The following CALN1 variants were observed in gnomAD, a reference collection of about 807,000 sequenced individuals.
CALN1 encodes the protein calneuron 1.
Under a neutral mutation model 30.6 loss-of-function variants are expected in CALN1, and 17 were observed. The ratio of observed to expected loss-of-function variants is 0.56; its 90% CI spans 0.38 to 0.83. The LOEUF is 0.83. Among genes scored for constraint, CALN1 ranks in the 40% least tolerant of loss-of-function variants. The pLI, the probability that CALN1 is intolerant of heterozygous loss-of-function variation, is 0.00. For synonymous variants in CALN1, 156 were observed against 131.4 expected (o/e 1.19, Z -1.28); for missense variants, 291 against 354.9 (o/e 0.82, Z 1.45).
chr7:72,126,077 G>A (rs1808742661), intron 3 of CALN1, among the ~76,000 whole-genome samples: 1 of 152,148 alleles, frequency 6.6e-6, no homozygotes, highest in Non-Finnish European at 1.5e-5. Flanking sequence ...GGGATTACAG[G>A]CGTGAGCCAC....
At chr7:72,152,923 T>C (rs1310330049) in intron 3 of CALN1, among the ~76,000 whole-genome samples, 1 of 152,216 alleles carries the variant, frequency 6.6e-6, no homozygotes, top group Non-Finnish European at 1.5e-5. Context: ...GACTGTTCCT[T>C]GCCAGTTGGA....
At chr7:72,238,650 T>C (rs1221688376) in intron 3 of CALN1, among the ~76,000 whole-genome samples, 1 of 152,054 alleles carries the variant, frequency 6.6e-6, no homozygotes, top group African/African-American at 2.4e-5. Context: ...AGTGAGTGAG[T>C]TCTCACAAGT....
rs534746845 is a variant in CALN1, at chr7:71,941,215, T to C, written c.501+82442A>G. Among the ~76,000 whole-genome samples, 6 of 150,446 alleles carry C rather than the reference T, an allele frequency of 4.0e-5. No homozygotes were observed. In the South Asian group the frequency reaches 1.3e-3, roughly 32 times the overall value. ...AAATACAAAAATTAGCTGGGTGTGG[T>C]GGCAGGTGCCTGTAATCCCAGCTAC... On this transcript the variant is annotated intron_variant, in intron 5 of 6. Coordinates refer to ENST00000395275, the MANE Select transcript of CALN1 (RefSeq NM_031468.4).
chr7:72,037,401 C>A (rs1284474959), intron 4 of CALN1, among the ~76,000 whole-genome samples: 1 of 152,184 alleles, frequency 6.6e-6, no homozygotes, highest in Non-Finnish European at 1.5e-5. Context: ...CCACCCGCCT[C>A]GGCCTCCCAA....
chr7:72,211,833 T>C (rs1792418752), intron 3 of CALN1, among the ~76,000 whole-genome samples: 1 of 152,138 alleles, frequency 6.6e-6, no homozygotes, highest in Admixed American at 6.6e-5. Context: ...TGAGCCAGTT[T>C]CTACATCTCT....
At chr7:72,110,982 C>G (rs1807531085) in intron 3 of CALN1, among the ~76,000 whole-genome samples, 1 of 152,074 alleles carries the variant, frequency 6.6e-6, no homozygotes, top group South Asian at 2.1e-4. Flanking sequence ...AACTAGGGAC[C>G]ACAGATCAAG....
intron 3 of CALN1, among the ~76,000 whole-genome samples, chr7:72,150,672 G>A (rs1015804422): frequency 1.3e-5 from 2 of 152,144 alleles, no homozygotes; most frequent in African/African-American, 2.4e-5. Flanking sequence ...GCTGAGAAAG[G>A]CTACATTGGG....
intron 3 of CALN1, among the ~76,000 whole-genome samples, chr7:72,172,138 T>G (rs1789015064): frequency 6.6e-6 from 1 of 152,352 alleles, no homozygotes; most frequent in South Asian, 2.1e-4. Context: ...TGATTGTGAC[T>G]AAGCAAGAGC....
At chr7:72,483,350 T>G in the CALN1 span, among the ~76,000 whole-genome samples, 9 of 148,594 alleles carry the variant, frequency 6.1e-5, no homozygotes, top group Non-Finnish European at 8.9e-5. Context: ...AGTGGCACGA[T>G]CTCAGCTCAC....
At chr7:71,831,723 A>C (rs2116418174) in intron 5 of CALN1, among the ~76,000 whole-genome samples, 1 of 150,602 alleles carries the variant, frequency 6.6e-6, no homozygotes, top group East Asian at 2.0e-4. Flanking sequence ...CCATCTCTAC[A>C]AAAAAATACA....
At chr7:71,972,716 G>A (rs778382663) in intron 5 of CALN1, among the ~76,000 whole-genome samples, 1 of 152,082 alleles carries the variant, frequency 6.6e-6, no homozygotes, top group Non-Finnish European at 1.5e-5. Flanking sequence ...TTTCAGCTTC[G>A]TGCGTGCTTC....
intron 5 of CALN1, among the ~76,000 whole-genome samples, chr7:71,982,055 T>TA (rs1798426671): frequency 1.3e-5 from 2 of 152,204 alleles, no homozygotes; most frequent in Non-Finnish European, 2.9e-5. Flanking sequence ...TTTAGTTGAC[T>TA]TCTAGCTTTC....
At chr7:71,934,605 A>G (rs1795733546) in intron 5 of CALN1, among the ~76,000 whole-genome samples, 1 of 152,066 alleles carries the variant, frequency 6.6e-6, no homozygotes, top group South Asian at 2.1e-4. Context: ...CAGAACGAGA[A>G]CTCACTCATT....
intron 2 of CALN1, among the ~76,000 whole-genome samples, chr7:72,369,058 G>A (rs1256251303): frequency 6.6e-6 from 1 of 151,098 alleles, no homozygotes; most frequent in Non-Finnish European, 1.5e-5. Context: ...CAAGTGATCT[G>A]CCCACCTCTG....
intron 2 of CALN1, among the ~76,000 whole-genome samples, chr7:72,290,037 C>T (rs1161560728): frequency 8.4e-6 from 1 of 119,740 alleles, no homozygotes; most frequent in Non-Finnish European, 1.6e-5. Context: ...ATGATTAAAC[C>T]CCTGTACTCC....
intron 3 of CALN1, among the ~76,000 whole-genome samples, chr7:72,143,622 G>A (rs1810122453): frequency 6.6e-6 from 1 of 152,090 alleles, no homozygotes; most frequent in South Asian, 2.1e-4. Flanking sequence ...GAAATACAGA[G>A]AACGCTACAA....
chr7:71,988,505 A>G (rs1299637786), intron 5 of CALN1, among the ~76,000 whole-genome samples: 1 of 152,160 alleles, frequency 6.6e-6, no homozygotes, highest in African/African-American at 2.4e-5. Context: ...TTCATTCTAC[A>G]TCCTTTCTCC....
the CALN1 span, among the ~76,000 whole-genome samples, chr7:72,459,298 T>C: frequency 6.6e-6 from 1 of 152,194 alleles, no homozygotes; most frequent in Non-Finnish European, 1.5e-5. Context: ...TAACAAAATG[T>C]CAACAACCTG....
chr7:72,247,223 CTTTCTTTTTTTTTTTTTT>C (rs1795236298), intron 3 of CALN1, among the ~76,000 whole-genome samples: 3 of 43,490 alleles, frequency 6.9e-5, no homozygotes, highest in African/African-American at 1.8e-4. Context: ...AGACCATTTT[CTTTCTTTTTTTTTTTTTT>C]TTTTTTTTTT....
Sources: gnomAD v4.1 joint callset for allele counts (sites outside exome capture counted in the v4.1 genomes callset) on GRCh38, gnomAD v4.1.1 for gene constraint, MANE v1.5 for transcripts, NCBI Gene and HGNC (gene_info 2026-07-23, HGNC 2026-07-21) for gene names.